PIK3R4: variants seen among roughly 807,000 people sequenced by gnomAD.
PIK3R4 encodes phosphoinositide-3-kinase regulatory subunit 4.
A neutral mutation model predicts 136.5 loss-of-function variants in PIK3R4; 46 were observed. The ratio of observed to expected loss-of-function variants is 0.34; its 90% CI spans 0.27 to 0.43. PIK3R4 has a LOEUF of 0.43. Among genes scored for constraint, PIK3R4 ranks in the 20% least tolerant of loss-of-function variants. PIK3R4 has a pLI of 1.00. For synonymous variants in PIK3R4, 557 were observed against 566.7 expected (o/e 0.98, Z 0.24); for missense variants, 1,331 against 1,649.5 (o/e 0.81, Z 3.35).
intron 12 of PIK3R4, among the ~76,000 whole-genome samples, chr3:130,705,157 T>C (rs2066599667): frequency 1.3e-5 from 2 of 152,296 alleles, no homozygotes; most frequent in South Asian, 4.1e-4. Context: ...AAAGTACTCA[T>C]CATTTTCTAA....
At chr3:130,688,450 C>T (rs1317500862) in intron 14 of PIK3R4, among the ~76,000 whole-genome samples, 1 of 152,218 alleles carries the variant, frequency 6.6e-6, no homozygotes, top group African/African-American at 2.4e-5. Context: ...ACTTGTAAAA[C>T]AGATTAATTT....
chr3:130,740,051 A>G (rs2066812029), intron 2 of PIK3R4, among the ~76,000 whole-genome samples: 1 of 152,180 alleles, frequency 6.6e-6, no homozygotes, highest in Admixed American at 6.5e-5. Context: ...ATGGTACAAC[A>G]GTCATAAAAG....
At chr3:130,683,294 G>T (rs1021877428) in intron 16 of PIK3R4, among the ~76,000 whole-genome samples, 6 of 152,164 alleles carry the variant, frequency 3.9e-5, no homozygotes, top group Non-Finnish European at 7.3e-5. Flanking sequence ...AAATAGGTAT[G>T]AGTCTGAATA....
chr3:130,694,556 C>G (rs2066536117), intron 13 of PIK3R4, among the ~76,000 whole-genome samples: 2 of 151,970 alleles, frequency 1.3e-5, no homozygotes, highest in South Asian at 2.1e-4. Flanking sequence ...TGGATGGTTT[C>G]TTAAATTCAT....
At position 130,718,533 on chromosome 3, in the gene PIK3R4, G is replaced by T. The variant is rs762248039; in HGVS notation, c.1983C>A (p.Ala661=). ...ATAAATTGGGATGACACAGGAAGGG[G>T]GCTAAAGAGGAAAAGAAAAGGTAGG... is the stretch of plus-strand genomic sequence containing the variant. ...PHVYEFASDI[A]PFLCHPNLWI... The change falls in exon 8 of 20, where the codon GCC becomes GCA. Residue 661 remains alanine (A), a splice_region_variant and synonymous_variant. Coordinates refer to ENST00000356763, the MANE Select transcript of PIK3R4 (RefSeq NM_014602.3). 8.7e-6 allele frequency: 14 copies of T among 1,613,486 alleles called. No homozygotes were observed. Among genetic ancestry groups the T allele is most frequent in the Non-Finnish European group, 1.0e-5 (12 of 1,179,740 alleles).
chr3:130,706,633 G>A (rs953260217), intron 11 of PIK3R4, among the ~76,000 whole-genome samples: 1 of 152,132 alleles, frequency 6.6e-6, no homozygotes, highest in African/African-American at 2.4e-5. Context: ...TATACTGGAG[G>A]AGGAATAAAA....
intron 9 of PIK3R4, among the ~76,000 whole-genome samples, chr3:130,709,124 A>G (rs570909747): frequency 6.6e-6 from 1 of 152,256 alleles, no homozygotes; most frequent in African/African-American, 2.4e-5. Flanking sequence ...GTGCACCTCT[A>G]TTTAGCTATA....
At chr3:130,681,832 T>A (rs2066460512) in intron 16 of PIK3R4, among the ~76,000 whole-genome samples, 1 of 152,066 alleles carries the variant, frequency 6.6e-6, no homozygotes, top group Admixed American at 6.6e-5. Context: ...GCAGAAAAAT[T>A]CCCAGTTTCA....
intron 16 of PIK3R4, among the ~76,000 whole-genome samples, chr3:130,682,555 A>AAAGTC (rs2066465568): frequency 6.6e-6 from 1 of 152,114 alleles, no homozygotes; most frequent in African/African-American, 2.4e-5. Flanking sequence ...GGGAGGGAAG[A>AAAGTC]AAGTCAAGTC....
intron 2 of PIK3R4, among the ~76,000 whole-genome samples, chr3:130,736,690 A>T (rs898489620): frequency 2.0e-5 from 3 of 152,228 alleles, no homozygotes; most frequent in Non-Finnish European, 4.4e-5. Flanking sequence ...GGACTTACAG[A>T]CATTAGATTC....
chr3:130,718,568 A>T (rs1401241460), intron 7 of PIK3R4, 34 bp from the exon 8 acceptor site: 1 of 1,610,252 alleles, frequency 6.2e-7, no homozygotes, highest in South Asian at 1.1e-5. Context: ...GGATCAAATA[A>T]GTTATTTCAA....
intron 2 of PIK3R4, 76 bp downstream of exon 2, chr3:130,744,410 A>T (rs781528393): frequency 9.6e-6 from 14 of 1,460,388 alleles, no homozygotes; most frequent in Admixed American, 2.2e-5. Context: ...TCTGGTGACT[A>T]AAAAAAGCCA....
intron 2 of PIK3R4, among the ~76,000 whole-genome samples, chr3:130,740,283 A>C (rs567261042): frequency 6.6e-6 from 1 of 152,300 alleles, no homozygotes; most frequent in Non-Finnish European, 1.5e-5. Context: ...TAATACCTGA[A>C]CCCTAAACAA....
chr3:130,740,903 G>C (rs907143421), intron 2 of PIK3R4, among the ~76,000 whole-genome samples: 2 of 152,078 alleles, frequency 1.3e-5, no homozygotes, highest in African/African-American at 4.8e-5. Flanking sequence ...AGGTGAATCT[G>C]GGTAAAGTGT....
At position 130,733,804 on chromosome 3, in the gene PIK3R4, A is replaced by G. The variant is rs754761785; in HGVS notation, c.1194T>C (p.Ala398=). Reference sequence around the variant, plus strand: ...GAGCCAAATGAAGAATCAGTTCCAAAGCAGCTAGTTTGGAATCACAGTATT... The same window carrying G: ...GAGCCAAATGAAGAATCAGTTCCAAGGCAGCTAGTTTGGAATCACAGTATT... The part of the protein sequence containing the change: ...TLKYCDSKLA[A]LELILHLAPR... Residue 398 remains alanine, a synonymous_variant, in exon 4 of 20, where the codon GCT becomes GCC. Coordinates refer to ENST00000356763, the MANE Select transcript of PIK3R4 (RefSeq NM_014602.3). 1 of 1,614,214 alleles carries G rather than the reference A, an allele frequency of 6.2e-7. No individual in the cohort carries two copies. The highest frequency in any genetic ancestry group is 1.7e-5 in the Admixed American group (1 of 60,034).
At chr3:130,710,956 T>A (rs2066629514) in intron 9 of PIK3R4, among the ~76,000 whole-genome samples, 1 of 143,650 alleles carries the variant, frequency 7.0e-6, no homozygotes. Flanking sequence ...GCCAAGAAAC[T>A]CTTGAAAAAG....
chr3:130,687,893 G>C (rs940789479), intron 14 of PIK3R4, among the ~76,000 whole-genome samples: 1 of 152,140 alleles, frequency 6.6e-6, no homozygotes, highest in Non-Finnish European at 1.5e-5. Flanking sequence ...AGAAGTACTA[G>C]TTCCTTTTAT....
At position 130,728,699 on chromosome 3, in the gene PIK3R4, AAAAGAAAG is replaced by A. The variant is rs746529532; in HGVS notation, c.1586-23_1586-16del. ...GGCTTGGAGCTCTAAAAAAAAAAAA[AAAAGAAAG>A]AAAGAAAGAAAGAAAAGAAATAGTT... On this transcript the variant is annotated splice_polypyrimidine_tract_variant and intron_variant, in intron 5 of 19. Coordinates refer to ENST00000356763, the MANE Select transcript of PIK3R4 (RefSeq NM_014602.3). 3 of 1,427,558 alleles carry A rather than the reference AAAAGAAAG, an allele frequency of 2.1e-6. No individual in the cohort carries two copies. The highest frequency in any genetic ancestry group is 1.3e-5 in the South Asian group (1 of 76,898). The allele number at this position is 1,427,558 out of a possible 1,614,324, so 88.4% of individuals were successfully genotyped here.
chr3:130,713,066 C>T (rs1013757675), intron 9 of PIK3R4, among the ~76,000 whole-genome samples: 6 of 152,216 alleles, frequency 3.9e-5, no homozygotes, highest in Admixed American at 2.6e-4. Flanking sequence ...ATAGGAATAA[C>T]ACCTGTTGCT....
Sources: allele counts gnomAD v4.1 joint callset (sites outside exome capture counted in the v4.1 genomes callset), GRCh38; gene constraint gnomAD v4.1.1; transcripts MANE v1.5; gene names NCBI Gene and HGNC (gene_info 2026-07-23, HGNC 2026-07-21).